ZNF649: variants seen among roughly 807,000 people sequenced by gnomAD.
The protein encoded by ZNF649 is zinc finger protein 649.
ZNF649 carries 7 observed loss-of-function variants against 14.1 expected under a neutral mutation model. That is an observed-to-expected ratio of 0.49 (90% CI 0.28 to 0.93). ZNF649 has a LOEUF of 0.93. Among genes scored for constraint, ZNF649 ranks in the 40% least tolerant of loss-of-function variants. The pLI is 0.10. For missense variants in ZNF649, 544 were observed against 608.1 expected (o/e 0.89, Z 1.11); for synonymous variants, 227 against 212.3 (o/e 1.07, Z -0.60).
chr19:51,900,347 T>C (rs988910061), intron 1 of ZNF649, 53 bp from the exon 2 acceptor site: 5 of 393,512 alleles, frequency 1.3e-5, no homozygotes, highest in South Asian at 1.2e-4. Flanking sequence ...CGGGCCCAGA[T>C]GCTGTCTCTG....
Position 51,900,280 on chromosome 19 carries a change from C to G in ZNF649, c.-173G>C. 2.1e-6 allele frequency: 1 copy of G among 483,330 alleles called. No individual in the cohort carries two copies. Among genetic ancestry groups the G allele is most frequent in the Non-Finnish European group, 3.6e-6 (1 of 277,974 alleles). The allele number at this position is 483,330 out of a possible 1,614,324, so 29.9% of individuals were successfully genotyped here. The stretch of plus-strand genomic sequence containing the variant: ...TTCCTTCATTTGAACTCTCTTGCTT[C>G]TGGGGAGCCAGGACCTATGGAGTAA... On this transcript the variant is annotated 5_prime_UTR_variant, in exon 2 of 5. Coordinates refer to ENST00000354957, the MANE Select transcript of ZNF649 (RefSeq NM_023074.4).
At chr19:51,902,238 T>C (rs1180436794) in intron 1 of ZNF649, among the ~76,000 whole-genome samples, 3 of 152,222 alleles carry the variant, frequency 2.0e-5, no homozygotes, top group Non-Finnish European at 4.4e-5. Flanking sequence ...TATCTTGTTA[T>C]AGCAGCACCA....
intron 4 of ZNF649, among the ~76,000 whole-genome samples, chr19:51,892,915 T>A: frequency 6.6e-6 from 1 of 152,066 alleles, no homozygotes. Context: ...GCCACGAGTG[T>A]TTTTTGTTTT....
chr19:51,895,776 TACACACATACAC>T (rs532734731), intron 4 of ZNF649, among the ~76,000 whole-genome samples: 34 of 151,994 alleles, frequency 2.2e-4, no homozygotes, highest in African/African-American at 7.2e-4. Context: ...TAAATGTATA[TACACACATACAC>T]ACACACATAC....
intron 4 of ZNF649, among the ~76,000 whole-genome samples, chr19:51,892,330 C>T (rs1447365637): frequency 2.0e-5 from 3 of 149,738 alleles, no homozygotes. Context: ...AAGCCAAGAT[C>T]GCTCCACTGC....
At chr19:51,900,007 A>G (rs1354984525) in intron 2 of ZNF649, 86 bp downstream of exon 2, 17 of 1,256,654 alleles carry the variant, frequency 1.4e-5, no homozygotes, top group Non-Finnish European at 1.7e-5. Flanking sequence ...TCCAATTTAT[A>G]CTTTTAATGT....
intron 4 of ZNF649, among the ~76,000 whole-genome samples, chr19:51,892,823 A>C: frequency 6.6e-6 from 1 of 152,220 alleles, no homozygotes; most frequent in East Asian, 1.9e-4. Flanking sequence ...AAGATACCAA[A>C]CTATAAACTA....
chr19:51,894,522 C>G (rs1334424042), intron 4 of ZNF649, among the ~76,000 whole-genome samples: 1 of 152,154 alleles, frequency 6.6e-6, no homozygotes, highest in Non-Finnish European at 1.5e-5. Context: ...AATTCAATAC[C>G]TAGCTATGTC....
rs1251721436 is a variant in ZNF649, at chr19:51,897,145, C to A, written c.16-167G>T. 6 of 870,556 alleles carry A rather than the reference C, an allele frequency of 6.9e-6. No individual in the cohort carries two copies. In the East Asian group the frequency reaches 1.6e-4, roughly 23 times the overall value. The allele number at this position is 870,556 out of a possible 1,614,324, so 53.9% of individuals were successfully genotyped here. A position where few individuals can be genotyped will look rare whatever the true frequency, so the allele number is the denominator to read the frequency against. ...CCCACATATACCGAAATTGTGCATA[C>A]TCATGACCTACAGTTGGCCTAGTGG... On this transcript the variant is annotated intron_variant, in intron 2 of 4. Coordinates refer to ENST00000354957, the MANE Select transcript of ZNF649 (RefSeq NM_023074.4).
In ZNF649 at chr19:51,900,199, T is replaced by G; in HGVS notation, c.-92A>C. 2 of 1,147,098 alleles carry G rather than the reference T, an allele frequency of 1.7e-6. No individual in the cohort carries two copies. Among genetic ancestry groups the G allele is most frequent in the Non-Finnish European group, 2.4e-6 (2 of 840,694 alleles). The allele number at this position is 1,147,098 out of a possible 1,614,324, so 71.1% of individuals were successfully genotyped here. ...CTAAATTTTGGCTAAGAAATCTGAG[T>G]CTCCATTTAAGAGTGTTCCCAGAAA... is the stretch of plus-strand genomic sequence containing the variant. On this transcript the variant is annotated 5_prime_UTR_variant, in exon 2 of 5. Coordinates refer to ENST00000354957, the MANE Select transcript of ZNF649 (RefSeq NM_023074.4).
chr19:51,891,265 G>C lies in ZNF649; in HGVS notation c.871C>G (p.Gln291Glu), dbSNP rs1481106267. 3 of 1,614,068 alleles carry C rather than the reference G, an allele frequency of 1.9e-6. No individual in the cohort carries two copies. The African/African-American group carries it at 4.0e-5, about 22-fold the overall frequency. Residue 291 changes from glutamine (Q) to glutamate (E), a missense_variant, in exon 5 of 5, where the codon CAA becomes GAA. Transcript: ENST00000354957. This position sits in a 1 kb window ranked among gnomAD's most constrained non-coding sequence, Gnocchi z 4.2. The part of the protein sequence containing the change: ...QRIHTGIKPH[Q>E]CSECGRAFSR... ...AAAGCTCTCCCACATTCGCTGCATTGATGGGGCTTAATTCCCGTGTGAATC... is the reference window on the plus strand; with the variant it reads ...AAAGCTCTCCCACATTCGCTGCATTCATGGGGCTTAATTCCCGTGTGAATC...
At chr19:51,902,700 G>A (rs762700903) in intron 1 of ZNF649, among the ~76,000 whole-genome samples, 3 of 148,618 alleles carry the variant, frequency 2.0e-5, no homozygotes, top group Non-Finnish European at 4.4e-5. Context: ...TCTCGATTTG[G>A]AATCATCAGA....
intron 4 of ZNF649, among the ~76,000 whole-genome samples, chr19:51,895,725 T>C (rs1241724175): frequency 6.6e-6 from 1 of 151,776 alleles, no homozygotes; most frequent in Non-Finnish European, 1.5e-5. Context: ...CTCTCTCTTA[T>C]ATAAATGTAT....
chr19:51,896,336 CT>C, intron 4 of ZNF649, 135 bp downstream of exon 4: 1 of 698,228 alleles, frequency 1.4e-6, no homozygotes, highest in Admixed American at 2.5e-5. Context: ...AAAAAGAGCT[CT>C]TGTATCCTAG....
At position 51,890,747 on chromosome 19, in the gene ZNF649, C is replaced by T; in HGVS notation, c.1389G>A (p.Val463=). 1 of 1,614,176 alleles carries T rather than the reference C, an allele frequency of 6.2e-7. No homozygotes were observed. Among genetic ancestry groups the T allele is most frequent in the Non-Finnish European group, 8.5e-7 (1 of 1,180,010 alleles). ...TGTGACTTGCTGTGGAAGGATTTTCCACCTTCACTGAATCCCCCCGTTTCT... is the reference window on the plus strand; with the variant it reads ...TGTGACTTGCTGTGGAAGGATTTTCTACCTTCACTGAATCCCCCCGTTTCT... ...SREKRGDSVK[V]ENPSTASHSL... Residue 463 remains valine (V), a synonymous_variant, in exon 5 of 5, where the codon GTG becomes GTA. Transcript: ENST00000354957.
In ZNF649 at chr19:51,901,607, T is replaced by C. The variant is rs935978186; in HGVS notation, c.-187-1313A>G. ...CTGCAGTGAGTTGTGATTGCACCAC[T>C]GCACTCTAGCCTGGGCAACAGAGCA... is the stretch of plus-strand genomic sequence containing the variant. On this transcript the variant is annotated intron_variant, in intron 1 of 4. Coordinates refer to ENST00000354957, the MANE Select transcript of ZNF649 (RefSeq NM_023074.4). Among the ~76,000 whole-genome samples, 7 of 151,918 alleles carry C rather than the reference T, an allele frequency of 4.6e-5. No homozygotes were observed. The East Asian group carries it at 1.2e-3, about 25-fold the overall frequency.
At chr19:51,904,608 T>C (rs2085112902) in intron 1 of ZNF649, among the ~76,000 whole-genome samples, 1 of 151,672 alleles carries the variant, frequency 6.6e-6, no homozygotes, top group Non-Finnish European at 1.5e-5. Context: ...CTGCAGCATT[T>C]GGAGTGATAA....
rs1386002543 is a variant in ZNF649, at chr19:51,890,830, C to T, written c.1306G>A (p.Glu436Lys). 1 of 1,614,246 alleles carries T rather than the reference C, an allele frequency of 6.2e-7. No individual in the cohort carries two copies. The highest frequency in any genetic ancestry group is 1.1e-5 in the South Asian group (1 of 91,080). ...CAAGACATATAGAAGTAAGCTTTCT[C>T]ACACTCATCACAGCCATAGGGTCTC... ...GERPYGCDEC[E>K]KAYFYMSCLV... The change falls in exon 5 of 5, where the codon GAG (glutamate) becomes AAG (lysine). Residue 436 changes from glutamate to lysine, a missense_variant. Transcript: ENST00000354957.
intron 3 of ZNF649, 21 bp downstream of exon 3, chr19:51,896,831 A>G: frequency 1.2e-6 from 2 of 1,614,106 alleles, no homozygotes; most frequent in Non-Finnish European, 1.7e-6. Flanking sequence ...CCTCTGAGTG[A>G]CACAGGGCAG....
Sources: allele counts gnomAD v4.1 joint callset (sites outside exome capture counted in the v4.1 genomes callset), GRCh38; gene constraint gnomAD v4.1.1; non-coding constraint Gnocchi (gnomAD v3.1); transcripts MANE v1.5; gene names NCBI Gene and HGNC (gene_info 2026-07-23, HGNC 2026-07-21).